AUTS2: variants seen among roughly 807,000 people sequenced by gnomAD.
AUTS2 encodes the protein activator of transcription and developmental regulator AUTS2, also known as autism susceptibility gene 2 protein.
A neutral mutation model predicts 112.4 loss-of-function variants in AUTS2; 17 were observed. The ratio of observed to expected loss-of-function variants is 0.15; its 90% CI spans 0.10 to 0.23. AUTS2 has a LOEUF of 0.23. Among genes scored for constraint, AUTS2 ranks in the 10% least tolerant of loss-of-function variants. The probability of loss-of-function intolerance (pLI) is 1.00; values close to 1 mark genes in which losing one functional copy is unlikely to be tolerated. For synonymous variants in AUTS2, 751 were observed against 702.7 expected, an observed-to-expected ratio of 1.07 and a Z score of -1.09; for missense variants, 1,510 against 1,701.6, an observed-to-expected ratio of 0.89 and a Z score of 1.98.
chr7:70,612,697 C>A (rs1007410235), intron 5 of AUTS2, among the ~76,000 whole-genome samples: 5 of 152,250 alleles, frequency 3.3e-5, no homozygotes, highest in South Asian at 2.1e-4. Context: ...TATCCACCCT[C>A]ACTTTTATTT....
chr7:70,767,648 T>C (rs1790023697), intron 9 of AUTS2, among the ~76,000 whole-genome samples: 2 of 152,136 alleles, frequency 1.3e-5, no homozygotes, highest in Admixed American at 6.5e-5. Context: ...TCTGCCAAAG[T>C]GAAGATGAAA....
chr7:70,478,932 G>A (rs1797685660), intron 5 of AUTS2, among the ~76,000 whole-genome samples: 1 of 151,978 alleles, frequency 6.6e-6, no homozygotes, highest in Admixed American at 6.5e-5. Context: ...TAGATGTTAT[G>A]TCGCCAGACC....
intron 3 of AUTS2, among the ~76,000 whole-genome samples, chr7:70,132,811 A>T (rs1180458315): frequency 6.6e-6 from 1 of 152,166 alleles, no homozygotes; most frequent in East Asian, 1.9e-4. Context: ...TCTTTCTGGG[A>T]TAAAATACAT....
intron 4 of AUTS2, among the ~76,000 whole-genome samples, chr7:70,399,885 A>T (rs767473816): frequency 2.6e-5 from 4 of 152,190 alleles, no homozygotes; most frequent in Admixed American, 6.5e-5. Flanking sequence ...CTAGACTCAG[A>T]TTTAGTGTGC....
At chr7:69,631,786 G>A (rs979451017) in intron 1 of AUTS2, among the ~76,000 whole-genome samples, 2 of 152,110 alleles carry the variant, frequency 1.3e-5, no homozygotes, top group Non-Finnish European at 2.9e-5. Context: ...AAACAGAGTT[G>A]GATATTAAGA....
intron 4 of AUTS2, among the ~76,000 whole-genome samples, chr7:70,328,040 A>C (rs747014842): frequency 6.6e-6 from 1 of 152,170 alleles, no homozygotes; most frequent in African/African-American, 2.4e-5. Context: ...TTTTTGCCTC[A>C]ATACCACAAT....
intron 2 of AUTS2, among the ~76,000 whole-genome samples, chr7:69,933,273 C>T (rs78082471): frequency 1.6e-3 from 237 of 152,224 alleles, no homozygotes; most frequent in African/African-American, 5.6e-3. Context: ...TAAATTGTGT[C>T]TGCTTTAAAG....
At chr7:70,755,431 G>A (rs1032775573) in intron 6 of AUTS2, among the ~76,000 whole-genome samples, 6 of 152,070 alleles carry the variant, frequency 3.9e-5, no homozygotes, top group South Asian at 2.1e-4. Flanking sequence ...TTGGGAGGCC[G>A]AGGCGGGGGT....
At position 69,978,012 on chromosome 7, in the gene AUTS2, C is replaced by G. The variant is rs188847404; in HGVS notation, c.522+78514C>G. Among the ~76,000 whole-genome samples, 510 of 152,178 alleles carry G rather than the reference C, an allele frequency of 3.4e-3. 1 individual carries two copies. The highest frequency in any genetic ancestry group is 5.2e-3 in the Non-Finnish European group (357 of 68,010). The stretch of plus-strand genomic sequence containing the variant: ...GGGAAAAGTATGTCTACTCCATTTT[C>G]TTGGAAGCAGAAGTTCCCTAAGATG... On this transcript the variant is annotated intron_variant, in intron 2 of 18. Coordinates refer to ENST00000342771, the MANE Select transcript of AUTS2 (RefSeq NM_015570.4).
chr7:70,581,053 T>C (rs1802410528), intron 5 of AUTS2, among the ~76,000 whole-genome samples: 1 of 152,114 alleles, frequency 6.6e-6, no homozygotes, highest in Non-Finnish European at 1.5e-5. Flanking sequence ...GAAGCTAGCC[T>C]GGACAACCCA....
chr7:70,555,464 A>G (rs570760800), intron 5 of AUTS2, among the ~76,000 whole-genome samples: 1 of 152,256 alleles, frequency 6.6e-6, no homozygotes, highest in African/African-American at 2.4e-5. Context: ...AGGAGATGGT[A>G]TTGAGAATTT....
intron 4 of AUTS2, among the ~76,000 whole-genome samples, chr7:70,322,060 A>C (rs1790281085): frequency 6.6e-6 from 1 of 152,202 alleles, no homozygotes; most frequent in Non-Finnish European, 1.5e-5. Flanking sequence ...ATTCCTCTTT[A>C]GATCTAATAT....
intron 4 of AUTS2, among the ~76,000 whole-genome samples, chr7:70,405,994 A>T (rs531367905): frequency 6.6e-6 from 1 of 152,254 alleles, no homozygotes. Context: ...GGTATTGGCA[A>T]TTCATGGTGG....
intron 5 of AUTS2, among the ~76,000 whole-genome samples, chr7:70,647,631 C>T (rs1225023064): frequency 6.6e-6 from 1 of 152,166 alleles, no homozygotes; most frequent in African/African-American, 2.4e-5. Flanking sequence ...GGCTCGTCTC[C>T]TGTGTGATGT....
chr7:70,354,353 T>C (rs1322563061), intron 4 of AUTS2, among the ~76,000 whole-genome samples: 2 of 152,224 alleles, frequency 1.3e-5, no homozygotes, highest in African/African-American at 2.4e-5. Flanking sequence ...AAACATGTCT[T>C]GGTAGGAGAT....
At chr7:70,518,600 C>T (rs1329228650) in intron 5 of AUTS2, among the ~76,000 whole-genome samples, 2 of 151,554 alleles carry the variant, frequency 1.3e-5, no homozygotes, top group Admixed American at 6.6e-5. Context: ...AGGAGAATGG[C>T]GTGAACCAGG....
At chr7:70,733,028 C>G (rs776756373) in intron 6 of AUTS2, among the ~76,000 whole-genome samples, 6 of 152,116 alleles carry the variant, frequency 3.9e-5, no homozygotes, top group Non-Finnish European at 8.8e-5. Flanking sequence ...GCTTCCTAAT[C>G]AGTTTGTTAA....
chr7:69,669,742 T>G (rs956736405), intron 1 of AUTS2, among the ~76,000 whole-genome samples: 1 of 152,262 alleles, frequency 6.6e-6, no homozygotes, highest in African/African-American at 2.4e-5. Flanking sequence ...ACTTTTTTTT[T>G]CCTTTTATGA....
intron 5 of AUTS2, among the ~76,000 whole-genome samples, chr7:70,629,290 G>A (rs546423976): frequency 2.0e-5 from 3 of 152,238 alleles, no homozygotes; most frequent in East Asian, 3.9e-4. Flanking sequence ...GGCCAACAGG[G>A]TGAAACCTCG....
Sources: gnomAD v4.1 joint callset for allele counts (sites outside exome capture counted in the v4.1 genomes callset) on GRCh38, gnomAD v4.1.1 for gene constraint, MANE v1.5 for transcripts, NCBI Gene and HGNC (gene_info 2026-07-23, HGNC 2026-07-21) for gene names.